The following RYR2 variants were observed in gnomAD, a reference collection of about 807,000 sequenced individuals.
RYR2 encodes the protein cardiac muscle ryanodine receptor-calcium release channel.
RYR2 carries 227 observed loss-of-function variants against 601.1 expected under a neutral mutation model. The observed-to-expected ratio is 0.38, with a 90% confidence interval of 0.34 to 0.42. The LOEUF (loss-of-function observed/expected upper bound fraction) is 0.42, where lower values mean the gene tolerates loss of function less well. Among genes scored for constraint, RYR2 ranks in the 10% least tolerant of loss-of-function variants. The pLI is 1.00. For missense variants in RYR2, 4,646 were observed against 6,156.5 expected (o/e 0.75, Z 8.21); for synonymous variants, 2,223 against 2,175.1 (o/e 1.02, Z -0.61).
intron 87 of RYR2, among the ~76,000 whole-genome samples, chr1:237,776,893 A>G (rs890545205): frequency 6.6e-6 from 1 of 152,132 alleles, no homozygotes; most frequent in African/African-American, 2.4e-5. Flanking sequence ...AAGTTATTCA[A>G]TCAGACCTCA....
chr1:237,331,512 C>CT (rs1460724250), intron 3 of RYR2, among the ~76,000 whole-genome samples: 8 of 150,762 alleles, frequency 5.3e-5, no homozygotes, highest in South Asian at 4.2e-4. Context: ...TTTTTCTTTT[C>CT]TTTTTTTTGA....
chr1:237,424,099 C>A (rs1349053262), intron 12 of RYR2, among the ~76,000 whole-genome samples: 1 of 152,036 alleles, frequency 6.6e-6, no homozygotes, highest in Non-Finnish European at 1.5e-5. Flanking sequence ...GCCCCATGAT[C>A]CAGTCACGTC....
At chr1:237,464,101 C>A (rs188438530) in intron 16 of RYR2, among the ~76,000 whole-genome samples, 7 of 152,152 alleles carry the variant, frequency 4.6e-5, no homozygotes, top group Non-Finnish European at 7.3e-5. Flanking sequence ...CAGAATAACA[C>A]GTGTGTACAT....
chr1:237,787,449 G>A (rs1243474732), intron 91 of RYR2, among the ~76,000 whole-genome samples: 1 of 151,808 alleles, frequency 6.6e-6, no homozygotes, highest in Non-Finnish European at 1.5e-5. Flanking sequence ...AAAGTTAGCT[G>A]GGCATGGTGT....
Position 237,475,816 on chromosome 1 carries a change from C to T in RYR2, c.1708+6629C>T, listed in dbSNP as rs72632870. 1.9e-3 allele frequency among the ~76,000 whole-genome samples: 282 copies of T among 152,316 alleles called. 4 individuals carry two copies. In the East Asian group the frequency reaches 0.041, roughly 22 times the overall value. Reference sequence around the variant, plus strand: ...ACTAAGAGTATCTGATCAGTTCATACGCATGACCACTCTGAATTCATTTGG... The same window carrying T: ...ACTAAGAGTATCTGATCAGTTCATATGCATGACCACTCTGAATTCATTTGG... On this transcript the variant is annotated intron_variant, in intron 17 of 104. Transcript: ENST00000366574.
intron 1 of RYR2, among the ~76,000 whole-genome samples, chr1:237,187,418 G>A (rs1007528022): frequency 4.1e-5 from 6 of 146,242 alleles, no homozygotes; most frequent in African/African-American, 1.5e-4. Context: ...TGGAATTACA[G>A]GCGTGAGCCA....
rs1015199933 is a variant in RYR2, at chr1:237,227,399, G to A, written c.49-43098G>A. On this transcript the variant is annotated intron_variant, in intron 1 of 104. Transcript: ENST00000366574. ...GAAAGCAGCCGTAGTCTATGCTACAGGGATGGGCGTGGCTGTGTTTTGATA... is the reference window on the plus strand; with the variant it reads ...GAAAGCAGCCGTAGTCTATGCTACAAGGATGGGCGTGGCTGTGTTTTGATA... 2.6e-5 allele frequency among the ~76,000 whole-genome samples: 4 copies of A among 152,342 alleles called. No homozygotes were observed. In the South Asian group the frequency reaches 8.3e-4, roughly 32 times the overall value.
intron 1 of RYR2, among the ~76,000 whole-genome samples, chr1:237,127,877 C>A (rs1229763140): frequency 6.6e-6 from 1 of 151,388 alleles, no homozygotes; most frequent in African/African-American, 2.4e-5. Context: ...GGCGGCCGGG[C>A]GGAGACGCTC....
chr1:237,085,291 C>T (rs969063640), intron 1 of RYR2, among the ~76,000 whole-genome samples: 7 of 152,114 alleles, frequency 4.6e-5, no homozygotes, highest in South Asian at 2.1e-4. Flanking sequence ...GGGATGGAAC[C>T]GTGACTTATC....
At chr1:237,571,669 T>C (rs2805399) in intron 29 of RYR2, among the ~76,000 whole-genome samples, 142,503 of 152,204 alleles carry the variant, frequency 0.94, 67,399 homozygotes, top group East Asian at 1. Flanking sequence ...TTAGCCAGTT[T>C]GTTGCTTGTA....
chr1:237,094,583 A>G (rs1002526176), intron 1 of RYR2, among the ~76,000 whole-genome samples: 2 of 152,054 alleles, frequency 1.3e-5, no homozygotes, highest in Non-Finnish European at 2.9e-5. Context: ...TATTATTATT[A>G]TTATTTTTTG....
intron 1 of RYR2, among the ~76,000 whole-genome samples, chr1:237,053,507 G>A (rs1334658296): frequency 1.3e-5 from 2 of 152,248 alleles, no homozygotes; most frequent in African/African-American, 4.8e-5. Context: ...AAGTCAGCCC[G>A]ACTTGAGTCA....
At chr1:237,768,892 G>A (rs1372446058) in intron 84 of RYR2, among the ~76,000 whole-genome samples, 1 of 152,150 alleles carries the variant, frequency 6.6e-6, no homozygotes, top group African/African-American at 2.4e-5. Context: ...GTTCTGCGAT[G>A]TACGGTGTGT....
intron 2 of RYR2, among the ~76,000 whole-genome samples, chr1:237,279,779 G>C (rs1690667665): frequency 6.6e-6 from 1 of 152,136 alleles, no homozygotes; most frequent in Non-Finnish European, 1.5e-5. Flanking sequence ...AACAGTAAAA[G>C]CCATTCTTAT....
chr1:237,219,389 C>T (rs6661229), intron 1 of RYR2, among the ~76,000 whole-genome samples: 63,336 of 151,894 alleles, frequency 0.42, 13,550 homozygotes, highest in East Asian at 0.6. Context: ...CCCATTCCGA[C>T]GTGTCAATGT....
intron 1 of RYR2, among the ~76,000 whole-genome samples, chr1:237,110,338 A>G (rs1669317207): frequency 6.6e-6 from 1 of 151,738 alleles, no homozygotes; most frequent in African/African-American, 2.4e-5. Flanking sequence ...ATATGTATAC[A>G]TGTGTCATGC....
In RYR2 at chr1:237,595,141, A is replaced by G. The variant is rs114468783; in HGVS notation, c.4437-357A>G. Among the ~76,000 whole-genome samples the G allele has an allele frequency of 2.4e-3, 371 of 152,160 alleles. 3 individuals carry two copies. The highest frequency in any genetic ancestry group is 8.4e-3 in the African/African-American group (350 of 41,542). On this transcript the variant is annotated intron_variant, in intron 33 of 104. Coordinates refer to ENST00000366574, the MANE Select transcript of RYR2 (RefSeq NM_001035.3). ...AAAAAAGCTAAAAAAAATCCATGAG[A>G]TGAAAATTACAAATTTGGATGATTT...
intron 100 of RYR2, among the ~76,000 whole-genome samples, chr1:237,809,813 T>G (rs1178597653): frequency 1.3e-5 from 2 of 152,148 alleles, no homozygotes; most frequent in Non-Finnish European, 2.9e-5. Flanking sequence ...ATTAAGATAA[T>G]TTTATACTAA....
chr1:237,586,729 C>A (rs1032686444), intron 29 of RYR2, among the ~76,000 whole-genome samples: 2 of 149,052 alleles, frequency 1.3e-5, no homozygotes, highest in Non-Finnish European at 3.0e-5. Context: ...TTTTTTTTTT[C>A]TTTTTTTTGA....
Sources: gnomAD v4.1 joint callset for allele counts (sites outside exome capture counted in the v4.1 genomes callset) on GRCh38, gnomAD v4.1.1 for gene constraint, MANE v1.5 for transcripts, NCBI Gene and HGNC (gene_info 2026-07-23, HGNC 2026-07-21) for gene names.